NCKAP5: variants seen among roughly 807,000 people sequenced by gnomAD.
The protein encoded by NCKAP5 is nck-associated protein 5.
A neutral mutation model predicts 167.0 loss-of-function variants in NCKAP5; 92 were observed. The ratio of observed to expected loss-of-function variants is 0.55; its 90% CI spans 0.47 to 0.66. The LOEUF (loss-of-function observed/expected upper bound fraction) is 0.66, where lower values mean the gene tolerates loss of function less well. NCKAP5 is among the 30% of genes least tolerant of loss of function. The pLI is 0.00. For missense variants in NCKAP5, 2,378 were observed against 2,315.0 expected, an observed-to-expected ratio of 1.03 and a Z score of -0.56; for synonymous variants, 891 against 877.4, an observed-to-expected ratio of 1.02 and a Z score of -0.27.
chr2:133,455,157 A>C (rs934653691), intron 3 of NCKAP5, among the ~76,000 whole-genome samples: 3 of 152,080 alleles, frequency 2.0e-5, no homozygotes, highest in African/African-American at 7.2e-5. Flanking sequence ...ATTTACAGAG[A>C]TAGTCAAAGA....
At chr2:133,355,664 C>A (rs1164596365) in intron 3 of NCKAP5, among the ~76,000 whole-genome samples, 1 of 151,912 alleles carries the variant, frequency 6.6e-6, no homozygotes, top group Non-Finnish European at 1.5e-5. Context: ...TTCCCATATA[C>A]CCACATACCT....
chr2:132,816,083 G>A (rs1461754187), intron 11 of NCKAP5, among the ~76,000 whole-genome samples: 1 of 152,062 alleles, frequency 6.6e-6, no homozygotes, highest in East Asian at 1.9e-4. Flanking sequence ...TTCCTTTAGG[G>A]ATAATAATAC....
the NCKAP5 span, among the ~76,000 whole-genome samples, chr2:133,585,112 C>A: frequency 2.6e-5 from 4 of 152,112 alleles, no homozygotes; most frequent in Non-Finnish European, 5.9e-5. Context: ...TATATCAAAA[C>A]ATTCTACAAC....
At chr2:133,350,066 A>G (rs1684255056) in intron 3 of NCKAP5, among the ~76,000 whole-genome samples, 4 of 152,170 alleles carry the variant, frequency 2.6e-5, no homozygotes, top group African/African-American at 9.7e-5. Flanking sequence ...AATCCTATCA[A>G]CTAAACTCAG....
At chr2:133,073,118 C>G (rs1166480790) in intron 6 of NCKAP5, among the ~76,000 whole-genome samples, 4 of 152,092 alleles carry the variant, frequency 2.6e-5, no homozygotes, top group African/African-American at 9.7e-5. Flanking sequence ...TTGAGGACAG[C>G]CTTGATTTTC....
intron 19 of NCKAP5, among the ~76,000 whole-genome samples, chr2:132,694,456 G>A (rs1276623564): frequency 2.2e-5 from 3 of 137,456 alleles, no homozygotes; most frequent in African/African-American, 4.9e-5. Context: ...TCTTGCAAAG[G>A]TGTACTTGGC....
At chr2:133,336,306 A>T (rs1450637979) in intron 3 of NCKAP5, among the ~76,000 whole-genome samples, 1 of 152,146 alleles carries the variant, frequency 6.6e-6, no homozygotes, top group Non-Finnish European at 1.5e-5. Context: ...CTAGGAATTT[A>T]ATTTGTGATC....
intron 11 of NCKAP5, among the ~76,000 whole-genome samples, chr2:132,814,404 A>G (rs937823203): frequency 6.6e-6 from 1 of 152,244 alleles, no homozygotes; most frequent in Non-Finnish European, 1.5e-5. Context: ...ACATTGTTCA[A>G]TATTAACAGT....
At chr2:133,045,056 G>T (rs561248981) in intron 6 of NCKAP5, among the ~76,000 whole-genome samples, 1 of 108,984 alleles carries the variant, frequency 9.2e-6, no homozygotes, top group Admixed American at 9.6e-5. Flanking sequence ...TCTGTAGAAA[G>T]AAGAAAAAAA....
chr2:133,406,114 C>T (rs1688411279), intron 3 of NCKAP5, among the ~76,000 whole-genome samples: 1 of 152,222 alleles, frequency 6.6e-6, no homozygotes, highest in African/African-American at 2.4e-5. Flanking sequence ...CCTAACATGT[C>T]ATCAATAAGT....
intron 6 of NCKAP5, among the ~76,000 whole-genome samples, chr2:133,065,770 C>G (rs926271388): frequency 2.0e-5 from 3 of 152,172 alleles, no homozygotes; most frequent in African/African-American, 7.2e-5. Flanking sequence ...ATGACTATGG[C>G]CACGTCACTG....
intron 5 of NCKAP5, among the ~76,000 whole-genome samples, chr2:133,190,391 C>T (rs1490213833): frequency 7.2e-5 from 11 of 152,116 alleles, no homozygotes; most frequent in Non-Finnish European, 1.5e-4. Context: ...ATCAAGCTAC[C>T]AATAACTTTC....
At chr2:132,880,945 A>G (rs1248850760) in intron 8 of NCKAP5, among the ~76,000 whole-genome samples, 1 of 152,202 alleles carries the variant, frequency 6.6e-6, no homozygotes, top group Non-Finnish European at 1.5e-5. Context: ...CCTCATAACA[A>G]AGTCATTGTC....
intron 19 of NCKAP5, among the ~76,000 whole-genome samples, chr2:132,683,164 G>A (rs188359550): frequency 5.9e-5 from 9 of 151,986 alleles, no homozygotes; most frequent in Admixed American, 2.0e-4. Flanking sequence ...GATTACAGGC[G>A]TGAACCACCG....
intron 5 of NCKAP5, among the ~76,000 whole-genome samples, chr2:133,134,481 A>C (rs1404519112): frequency 6.6e-6 from 1 of 152,184 alleles, no homozygotes; most frequent in African/African-American, 2.4e-5. Flanking sequence ...GAGTGCAGTA[A>C]TTTTCAGTAA....
At chr2:133,320,312 G>A (rs905441460) in intron 3 of NCKAP5, among the ~76,000 whole-genome samples, 9 of 152,122 alleles carry the variant, frequency 5.9e-5, no homozygotes, top group African/African-American at 1.7e-4. Context: ...GAGATAATTT[G>A]GACTTCCAGC....
intron 11 of NCKAP5, among the ~76,000 whole-genome samples, chr2:132,836,813 G>A (rs1687923031): frequency 6.6e-6 from 1 of 152,104 alleles, no homozygotes; most frequent in East Asian, 1.9e-4. Flanking sequence ...CTGCTGTACA[G>A]CTGTTTATTT....
At chr2:133,658,694 T>C in the NCKAP5 span, among the ~76,000 whole-genome samples, 5 of 152,170 alleles carry the variant, frequency 3.3e-5, no homozygotes, top group South Asian at 2.1e-4. Flanking sequence ...TCTCAACCAC[T>C]GTGATGTCCT....
intron 8 of NCKAP5, among the ~76,000 whole-genome samples, chr2:132,957,596 CA>C (rs968581761): frequency 6.6e-6 from 1 of 152,130 alleles, no homozygotes; most frequent in African/African-American, 2.4e-5. Flanking sequence ...TCCTGTCTCC[CA>C]GCTTCATTTT....
Sources: gnomAD v4.1 joint callset for allele counts (sites outside exome capture counted in the v4.1 genomes callset) on GRCh38, gnomAD v4.1.1 for gene constraint, MANE v1.5 for transcripts, NCBI Gene and HGNC (gene_info 2026-07-23, HGNC 2026-07-21) for gene names.